The following UBAP2 variants were observed in gnomAD, a reference collection of about 807,000 sequenced individuals.
The protein encoded by UBAP2 is ubiquitin associated protein 2.
UBAP2 carries 75 observed loss-of-function variants against 139.6 expected under a neutral mutation model. That is an observed-to-expected ratio of 0.54 (90% CI 0.45 to 0.65). UBAP2 has a LOEUF of 0.65. Among genes scored for constraint, UBAP2 ranks in the 30% least tolerant of loss-of-function variants. The pLI, the probability that UBAP2 is intolerant of heterozygous loss-of-function variation, is 0.00. For missense variants in UBAP2, 1,368 were observed against 1,369.6 expected (o/e 1.00, Z 0.02); for synonymous variants, 526 against 526.2 (o/e 1.00, Z 0.01).
intron 2 of UBAP2, among the ~76,000 whole-genome samples, chr9:34,006,764 T>C (rs1393591082): frequency 6.6e-6 from 1 of 151,886 alleles, no homozygotes; most frequent in African/African-American, 2.4e-5. Context: ...GTATAAAAGG[T>C]ATAAATTGTG....
chr9:33,947,877 G>A (rs1825770352), intron 13 of UBAP2, among the ~76,000 whole-genome samples: 1 of 150,204 alleles, frequency 6.7e-6, no homozygotes, highest in South Asian at 2.1e-4. Context: ...GCTGGATACA[G>A]TGGTGCACAT....
intron 3 of UBAP2, chr9:33,997,694 A>G (rs1160268090): frequency 1.3e-5 from 2 of 152,240 alleles, no homozygotes; most frequent in Non-Finnish European, 2.9e-5. Context: ...CAGTGATCAG[A>G]TTATTGACAG....
Position 33,935,735 on chromosome 9 carries a change from A to C in UBAP2, c.1969+104T>G, listed in dbSNP as rs530324249. 78 of 1,353,884 alleles carry C rather than the reference A, an allele frequency of 5.8e-5. 4 individuals are homozygous for C. The South Asian group carries it at 8.8e-4, about 15-fold the overall frequency. 83.9% of individuals were successfully genotyped at this position (1,353,884 alleles called of 1,614,324 possible). On this transcript the variant is annotated intron_variant, in intron 17 of 28. Transcript: ENST00000379238. ...AAAGCAAAAGGGCTGCTTTTTAACG[A>C]ATAAGCCATTGACCAACTGGTGTTT...
chr9:33,978,098 T>G (rs1001239445), intron 6 of UBAP2, among the ~76,000 whole-genome samples: 1 of 150,940 alleles, frequency 6.6e-6, no homozygotes, highest in African/African-American at 2.4e-5. Context: ...CTCTCATGTA[T>G]AGAGGCACAA....
intron 8 of UBAP2, among the ~76,000 whole-genome samples, chr9:33,970,046 C>G (rs1310465183): frequency 6.8e-6 from 1 of 146,126 alleles, no homozygotes; most frequent in Non-Finnish European, 1.5e-5. Flanking sequence ...CCTCCCACCT[C>G]AGCATCCCAA....
At chr9:33,929,875 G>A (rs1034521353) in intron 19 of UBAP2, among the ~76,000 whole-genome samples, 3 of 152,060 alleles carry the variant, frequency 2.0e-5, no homozygotes, top group African/African-American at 4.8e-5. Flanking sequence ...CTGGTGGCGT[G>A]TGCCTGTAAT....
At chr9:33,949,365 G>C (rs1292877272) in intron 12 of UBAP2, among the ~76,000 whole-genome samples, 1 of 152,020 alleles carries the variant, frequency 6.6e-6, no homozygotes, top group East Asian at 1.9e-4. Context: ...ATTACAAGAT[G>C]TACAGTCAAA....
chr9:33,953,455 G>T lies in UBAP2; in HGVS notation c.886C>A (p.Leu296Ile), dbSNP rs775898792. Residue 296 changes from leucine (L) to isoleucine (I), a missense_variant, in exon 12 of 29, where the codon CTC (leucine) becomes ATC (isoleucine). Physicochemically the swap from Leu to Ile is conservative, Grantham distance 5. Coordinates refer to ENST00000379238, the MANE Select transcript of UBAP2 (RefSeq NM_001370062.2). Reference protein sequence around the residue: ...PGQSIDLVALLQKPVPHSQAS... With the variant: ...PGQSIDLVALIQKPVPHSQAS... ...TGACTGTGAGGAACAGGCTTCTGGA[G>T]CAAGGCTACCAGATCAATGCTAAGC... 2 of 1,614,044 alleles carry T rather than the reference G, an allele frequency of 1.2e-6. No individual in the cohort carries two copies. Among genetic ancestry groups the T allele is most frequent in the South Asian group, 2.2e-5 (2 of 91,026 alleles).
At chr9:34,040,084 A>C (rs1303132050) in intron 1 of UBAP2, among the ~76,000 whole-genome samples, 1 of 151,556 alleles carries the variant, frequency 6.6e-6, no homozygotes, top group Admixed American at 6.6e-5. Context: ...ACTTGAACCC[A>C]GGAGGCGGAG....
At chr9:34,019,883 CG>C (rs1824756840) in intron 1 of UBAP2, among the ~76,000 whole-genome samples, 1 of 151,918 alleles carries the variant, frequency 6.6e-6, no homozygotes, top group African/African-American at 2.4e-5. Context: ...AATGTGCAGC[CG>C]GTCGCGGTGG....
At chr9:33,955,799 C>A (rs528158020) in intron 11 of UBAP2, among the ~76,000 whole-genome samples, 7 of 151,166 alleles carry the variant, frequency 4.6e-5, no homozygotes, top group Non-Finnish European at 7.4e-5. Flanking sequence ...TGCACTCTAG[C>A]CTGGGCAACA....
chr9:33,966,258 C>T (rs1334119149), intron 8 of UBAP2, among the ~76,000 whole-genome samples: 1 of 150,846 alleles, frequency 6.6e-6, no homozygotes, highest in Non-Finnish European at 1.5e-5. Flanking sequence ...TACTTACCTG[C>T]CCAACATGGT....
chr9:33,997,802 T>C (rs1313618430), intron 3 of UBAP2: 1 of 152,182 alleles, frequency 6.6e-6, no homozygotes, highest in African/African-American at 2.4e-5. Flanking sequence ...GAAGTATATC[T>C]CAAACTGTAT....
At chr9:34,026,985 T>C (rs1760820) in intron 1 of UBAP2, among the ~76,000 whole-genome samples, 147,610 of 152,236 alleles carry the variant, frequency 0.97, 71,647 homozygotes, top group Non-Finnish European at 1. Flanking sequence ...CTGGTCTAGA[T>C]CAGATCTCAC....
chr9:33,932,796 C>T (rs752512307), intron 18 of UBAP2, among the ~76,000 whole-genome samples, 168 bp from the exon 19 acceptor site: 3 of 152,230 alleles, frequency 2.0e-5, no homozygotes, highest in Non-Finnish European at 4.4e-5. Flanking sequence ...TGATGGGGTC[C>T]TGGTGGACGG....
At position 33,956,166 on chromosome 9, in the gene UBAP2, A is replaced by C. The variant is rs1826545969; in HGVS notation, c.799-20T>G. 1 of 1,598,228 alleles carries C rather than the reference A, an allele frequency of 6.3e-7. No homozygotes were observed. Among genetic ancestry groups the C allele is most frequent in the African/African-American group, 1.3e-5 (1 of 74,512 alleles). On this transcript the variant is annotated intron_variant, in intron 10 of 28. Transcript: ENST00000379238. ...AGAAAGCTGTATGGAAAGTTGAAAA[A>C]TTTAATCTTATTCTACATACTACTA...
intron 6 of UBAP2, among the ~76,000 whole-genome samples, chr9:33,975,115 T>C (rs1828206533): frequency 6.6e-6 from 1 of 151,582 alleles, no homozygotes; most frequent in Non-Finnish European, 1.5e-5. Flanking sequence ...ACTACCAAAA[T>C]TAAAGTAAAA....
chr9:34,035,497 A>T (rs1482609949), intron 1 of UBAP2, among the ~76,000 whole-genome samples: 2 of 85,286 alleles, frequency 2.3e-5, no homozygotes, highest in Admixed American at 1.5e-4. Flanking sequence ...GCGAGACTCC[A>T]TCTAAAAAAA....
At chr9:34,037,108 C>T (rs1294277283) in intron 1 of UBAP2, among the ~76,000 whole-genome samples, 1 of 151,518 alleles carries the variant, frequency 6.6e-6, no homozygotes, top group East Asian at 1.9e-4. Flanking sequence ...CCTGCCTCGG[C>T]CTCCGGATTA....
Sources: gnomAD v4.1 joint callset for allele counts (sites outside exome capture counted in the v4.1 genomes callset) on GRCh38, gnomAD v4.1.1 for gene constraint, MANE v1.5 for transcripts, NCBI Gene and HGNC (gene_info 2026-07-23, HGNC 2026-07-21) for gene names.